Variants in PCDHA1 observed in about 807,000 individuals in gnomAD.
The protein encoded by PCDHA1 is protocadherin alpha-1.
Under a neutral mutation model 61.3 loss-of-function variants are expected in PCDHA1, and 42 were observed. That is an observed-to-expected ratio of 0.69 (90% CI 0.54 to 0.89). PCDHA1 has a LOEUF of 0.89. PCDHA1 is among the 40% of genes least tolerant of loss of function. The pLI, the probability that PCDHA1 is intolerant of heterozygous loss-of-function variation, is 0.00. For synonymous variants in PCDHA1, 610 were observed against 553.8 expected (o/e 1.10, Z -1.43); for missense variants, 1,256 against 1,235.3 (o/e 1.02, Z -0.25).
chr5:140,959,370 T>C (rs1212787453), intron 1 of PCDHA1, among the ~76,000 whole-genome samples: 1 of 151,796 alleles, frequency 6.6e-6, no homozygotes, highest in African/African-American at 2.4e-5. Flanking sequence ...TGAGACCCTG[T>C]CTCAAAAAAA....
chr5:140,968,370 A>T (rs1169551068), intron 1 of PCDHA1: 1 of 1,613,428 alleles, frequency 6.2e-7, no homozygotes, highest in African/African-American at 1.3e-5. Flanking sequence ...TATGCTGTCA[A>T]CTCCTTTGAC....
chr5:140,802,261 TA>T (rs1762876616), intron 1 of PCDHA1: 4 of 1,614,264 alleles, frequency 2.5e-6, no homozygotes, highest in Non-Finnish European at 3.4e-6. Context: ...ATTCAATCAC[TA>T]TCTTTACCTG....
chr5:140,956,009 C>G (rs1479377959), intron 1 of PCDHA1, among the ~76,000 whole-genome samples: 1 of 152,192 alleles, frequency 6.6e-6, no homozygotes, highest in Non-Finnish European at 1.5e-5. Context: ...TATCCTGAGA[C>G]TTTGCTGAAG....
In PCDHA1 at chr5:140,848,285, C is replaced by A. The variant is rs2150408028; in HGVS notation, c.2394+59601C>A. On this transcript the variant is annotated intron_variant, in intron 1 of 3. Coordinates refer to ENST00000504120, the MANE Select transcript of PCDHA1 (RefSeq NM_018900.4). ...TTTATTCATGAAATATGTACTTACA[C>A]TTTGGGCCACGTGATGTCACTCTTT... 1.5e-5 allele frequency: 9 copies of A among 616,904 alleles called. 3 individuals are homozygous for A. The highest frequency in any genetic ancestry group is 2.6e-5 in the Non-Finnish European group (9 of 351,312). 38.2% of individuals were successfully genotyped at this position (616,904 alleles called of 1,614,324 possible).
intron 1 of PCDHA1, among the ~76,000 whole-genome samples, chr5:140,888,286 C>T (rs1277980750): frequency 6.6e-6 from 1 of 152,080 alleles, no homozygotes; most frequent in African/African-American, 2.4e-5. Context: ...TCCCCTCTAC[C>T]CCCTACCCAG....
At chr5:140,934,100 T>C (rs554832439) in intron 1 of PCDHA1, among the ~76,000 whole-genome samples, 3 of 152,280 alleles carry the variant, frequency 2.0e-5, no homozygotes, top group Non-Finnish European at 4.4e-5. Context: ...GTTTGCTTTC[T>C]ATTTTATTAA....
chr5:140,858,366 G>C, intron 1 of PCDHA1: 1 of 1,590,950 alleles, frequency 6.3e-7, no homozygotes, highest in Admixed American at 1.7e-5. Context: ...TTCAGCCCCA[G>C]CCTTCCACCA....
intron 1 of PCDHA1, chr5:140,848,977 A>C (rs2150427682): frequency 6.2e-7 from 1 of 1,600,464 alleles, no homozygotes; most frequent in South Asian, 1.1e-5. Context: ...TCCGATGCAG[A>C]TATCGGGGAG....
chr5:140,991,244 G>A (rs535469323), intron 3 of PCDHA1, among the ~76,000 whole-genome samples: 2 of 152,278 alleles, frequency 1.3e-5, no homozygotes, highest in South Asian at 4.1e-4. Flanking sequence ...GGTAAAGGCA[G>A]TATTTGAACT....
chr5:140,917,314 G>A (rs1554197960), intron 1 of PCDHA1, among the ~76,000 whole-genome samples: 1 of 142,492 alleles, frequency 7.0e-6, no homozygotes, highest in African/African-American at 2.6e-5. Context: ...ACAATTTGGT[G>A]TTCATGTGGC....
chr5:140,823,518 G>C (rs1767744121), intron 1 of PCDHA1: 1 of 1,613,536 alleles, frequency 6.2e-7, no homozygotes, highest in Admixed American at 1.7e-5. Context: ...AGCTGGTGCC[G>C]AGGTCAGTGG....
At chr5:140,965,496 ATT>A (rs71766133) in intron 1 of PCDHA1, among the ~76,000 whole-genome samples, 87 of 146,352 alleles carry the variant, frequency 5.9e-4, no homozygotes, top group Middle Eastern at 3.6e-3. Context: ...ATGACAGCAG[ATT>A]TTTTTTTTTT....
chr5:140,853,979 T>A, intron 1 of PCDHA1: 2 of 564,826 alleles, frequency 3.5e-6, no homozygotes, highest in Non-Finnish European at 4.6e-6. Flanking sequence ...TTGAGACCAA[T>A]GTAGTGAGAC....
intron 1 of PCDHA1, chr5:140,850,070 C>G: frequency 6.3e-7 from 1 of 1,596,564 alleles, no homozygotes; most frequent in Non-Finnish European, 8.6e-7. Context: ...CGTTGGACCA[C>G]GAGGAGCTGG....
chr5:140,843,088 C>A (rs1554139726), intron 1 of PCDHA1: 4 of 1,595,530 alleles, frequency 2.5e-6, no homozygotes, highest in African/African-American at 1.3e-5. Context: ...GCGCGGGCCA[C>A]GTGGTAGCGA....
chr5:140,823,667 G>A (rs1767828403), intron 1 of PCDHA1: 1 of 1,614,024 alleles, frequency 6.2e-7, no homozygotes. Context: ...GGCGAGATCA[G>A]CACAACACGC....
intron 2 of PCDHA1, among the ~76,000 whole-genome samples, chr5:140,979,979 T>C (rs1007546118): frequency 6.6e-6 from 1 of 152,194 alleles, no homozygotes; most frequent in African/African-American, 2.4e-5. Flanking sequence ...ATGCATTAGA[T>C]TGAAATAAAT....
chr5:140,941,960 A>G (rs569784391), intron 1 of PCDHA1, among the ~76,000 whole-genome samples: 6 of 152,354 alleles, frequency 3.9e-5, no homozygotes, highest in African/African-American at 1.4e-4. Flanking sequence ...AAACAATAGT[A>G]TCTTTACTTT....
At chr5:140,998,522 A>G (rs2097818629) in intron 3 of PCDHA1, among the ~76,000 whole-genome samples, 1 of 151,980 alleles carries the variant, frequency 6.6e-6, no homozygotes, top group South Asian at 2.1e-4. Context: ...TATTATTCAT[A>G]TTTATATCCC....
Sources: gnomAD v4.1 joint callset for allele counts (sites outside exome capture counted in the v4.1 genomes callset) on GRCh38, gnomAD v4.1.1 for gene constraint, MANE v1.5 for transcripts, NCBI Gene and HGNC (gene_info 2026-07-23, HGNC 2026-07-21) for gene names.